The following CAMKMT variants were observed in gnomAD, a reference collection of about 807,000 sequenced individuals.
CAMKMT encodes the protein CaM KMT.
Under a neutral mutation model 48.0 loss-of-function variants are expected in CAMKMT, and 53 were observed. That is an observed-to-expected ratio of 1.10 (90% CI 0.89 to 1.39). The LOEUF is 1.39. Among genes scored for constraint, CAMKMT ranks in the 40% most tolerant of loss-of-function variants. CAMKMT has a pLI of 0.00. For missense variants in CAMKMT, 428 were observed against 402.7 expected, an observed-to-expected ratio of 1.06 and a Z score of -0.54; for synonymous variants, 165 against 152.3, an observed-to-expected ratio of 1.08 and a Z score of -0.61.
chr2:44,491,333 T>C (rs1669494563), intron 3 of CAMKMT, among the ~76,000 whole-genome samples: 1 of 152,100 alleles, frequency 6.6e-6, no homozygotes, highest in African/African-American at 2.4e-5. Context: ...ATAATAAAAT[T>C]GAAAGTTGTT....
intron 2 of CAMKMT, among the ~76,000 whole-genome samples, chr2:44,377,135 T>A (rs966750168): frequency 6.6e-6 from 1 of 152,150 alleles, no homozygotes; most frequent in Non-Finnish European, 1.5e-5. Context: ...GTCTCCCAAG[T>A]GGCTAGGACT....
At chr2:44,654,472 T>A (rs1487312066) in intron 3 of CAMKMT, among the ~76,000 whole-genome samples, 1 of 152,152 alleles carries the variant, frequency 6.6e-6, no homozygotes, top group African/African-American at 2.4e-5. Context: ...CTTTAGACCT[T>A]TTTACACATA....
intron 3 of CAMKMT, among the ~76,000 whole-genome samples, chr2:44,559,532 T>C (rs1238077354): frequency 6.8e-6 from 1 of 147,162 alleles, no homozygotes; most frequent in Admixed American, 7.0e-5. Flanking sequence ...AACTAAGAAT[T>C]TCTATTTTAC....
Position 44,726,157 on chromosome 2 carries a change from G to C in CAMKMT, c.623+10804G>C, listed in dbSNP as rs559003154. The stretch of plus-strand genomic sequence containing the variant: ...GGGGTATATACCCAGTAATGGGATT[G>C]CTGGGTCGAATGGTTGCTCTGTTTT... On this transcript the variant is annotated intron_variant, in intron 7 of 10. Transcript: ENST00000378494. 2.0e-5 allele frequency among the ~76,000 whole-genome samples: 3 copies of C among 152,308 alleles called. No individual in the cohort carries two copies. In the South Asian group the frequency reaches 6.2e-4, roughly 32 times the overall value.
At chr2:44,736,492 C>A (rs956647166) in intron 7 of CAMKMT, among the ~76,000 whole-genome samples, 1 of 152,048 alleles carries the variant, frequency 6.6e-6, no homozygotes, top group African/African-American at 2.4e-5. Context: ...TATGTGCCTG[C>A]TAGTTTTCTT....
At chr2:44,399,372 C>G (rs1010056481) in intron 3 of CAMKMT, among the ~76,000 whole-genome samples, 8 of 152,082 alleles carry the variant, frequency 5.3e-5, no homozygotes, top group African/African-American at 1.7e-4. Flanking sequence ...CCATTAGATA[C>G]AAGTAAGAAA....
chr2:44,564,535 C>T (rs1316714215), intron 3 of CAMKMT, among the ~76,000 whole-genome samples: 1 of 151,712 alleles, frequency 6.6e-6, no homozygotes, highest in Non-Finnish European at 1.5e-5. Context: ...GCTGATAACA[C>T]ATTTTGTTTG....
intron 3 of CAMKMT, among the ~76,000 whole-genome samples, chr2:44,599,970 GTACTT>G (rs537411317): frequency 1.3e-5 from 2 of 152,096 alleles, no homozygotes; most frequent in South Asian, 4.1e-4. Context: ...TGATTTTAAA[GTACTT>G]TATTTTGCAG....
chr2:44,378,201 A>G (rs1298209200), intron 2 of CAMKMT, among the ~76,000 whole-genome samples: 1 of 152,198 alleles, frequency 6.6e-6, no homozygotes, highest in Non-Finnish European at 1.5e-5. Context: ...ATGGATCTTA[A>G]ATCATAGATA....
chr2:44,559,163 C>A (rs2103685493), intron 3 of CAMKMT, among the ~76,000 whole-genome samples: 1 of 152,250 alleles, frequency 6.6e-6, no homozygotes, highest in South Asian at 2.1e-4. Context: ...AGGGATGCAA[C>A]TTAGTGGTGG....
intron 3 of CAMKMT, among the ~76,000 whole-genome samples, chr2:44,447,871 A>G (rs756222823): frequency 3.3e-5 from 5 of 152,226 alleles, no homozygotes; most frequent in Non-Finnish European, 7.3e-5. Context: ...ATGGCATACT[A>G]TCATCATTGG....
At chr2:44,745,016 G>C (rs1378941719) in intron 8 of CAMKMT, among the ~76,000 whole-genome samples, 3 of 152,114 alleles carry the variant, frequency 2.0e-5, no homozygotes, top group Non-Finnish European at 2.9e-5. Flanking sequence ...CGTATGATTC[G>C]AGCAAGTAAT....
rs147812832 is a variant in CAMKMT, at chr2:44,481,406, A to G, written c.376+91101A>G. Among the ~76,000 whole-genome samples, 362 of 152,190 alleles carry G rather than the reference A, an allele frequency of 2.4e-3. 2 individuals carry two copies. The highest frequency in any genetic ancestry group is 4.4e-3 in the Non-Finnish European group (301 of 67,904). On this transcript the variant is annotated intron_variant, in intron 3 of 10. Transcript: ENST00000378494. The stretch of plus-strand genomic sequence containing the variant: ...GCTGAATAGGAAAAAATCATCACTT[A>G]AGGCAAGGCTCTTCAGGTCATCTGT...
chr2:44,459,469 A>G (rs1667742215), intron 3 of CAMKMT, among the ~76,000 whole-genome samples: 1 of 152,214 alleles, frequency 6.6e-6, no homozygotes, highest in African/African-American at 2.4e-5. Flanking sequence ...TATTATTTAG[A>G]ACATTTATTT....
chr2:44,412,814 G>T (rs566529560), intron 3 of CAMKMT, among the ~76,000 whole-genome samples: 1 of 151,988 alleles, frequency 6.6e-6, no homozygotes, highest in Non-Finnish European at 1.5e-5. Context: ...GGTGGCTCAC[G>T]CCTGTAATCC....
intron 3 of CAMKMT, among the ~76,000 whole-genome samples, chr2:44,643,661 T>C (rs1400072474): frequency 6.6e-6 from 1 of 152,166 alleles, no homozygotes; most frequent in Non-Finnish European, 1.5e-5. Context: ...TTTGAAAAAA[T>C]TGTAGAAATA....
intron 3 of CAMKMT, among the ~76,000 whole-genome samples, chr2:44,422,889 A>G (rs1684025170): frequency 1.3e-5 from 2 of 152,124 alleles, no homozygotes; most frequent in Non-Finnish European, 2.9e-5. Flanking sequence ...TCTCTGGGTT[A>G]TCAGCTCATG....
intron 3 of CAMKMT, among the ~76,000 whole-genome samples, chr2:44,570,038 T>G (rs934546313): frequency 6.6e-6 from 1 of 152,178 alleles, no homozygotes; most frequent in African/African-American, 2.4e-5. Context: ...CATAGTTAAT[T>G]TTTTTCTTTG....
intron 3 of CAMKMT, among the ~76,000 whole-genome samples, chr2:44,643,255 G>C (rs916449071): frequency 6.6e-6 from 1 of 152,164 alleles, no homozygotes; most frequent in Non-Finnish European, 1.5e-5. Flanking sequence ...AGTAAATTCA[G>C]GAGCACTGTG....
Sources: allele counts gnomAD v4.1 joint callset (sites outside exome capture counted in the v4.1 genomes callset), GRCh38; gene constraint gnomAD v4.1.1; transcripts MANE v1.5; gene names NCBI Gene and HGNC (gene_info 2026-07-23, HGNC 2026-07-21).